ATP8B3: variants seen among roughly 807,000 people sequenced by gnomAD.
ATP8B3 encodes phospholipid-transporting ATPase IK.
In ATP8B3, 141 loss-of-function variants were observed where a neutral mutation model predicts 140.9. The observed-to-expected ratio is 1.00, with a 90% CI of 0.87 to 1.15. ATP8B3 has a LOEUF of 1.15. ATP8B3 is among the 50% of genes most tolerant of loss of function. The probability of loss-of-function intolerance (pLI) is 0.00; values close to 1 mark genes in which losing one functional copy is unlikely to be tolerated. For synonymous variants in ATP8B3, 765 were observed against 714.6 expected (o/e 1.07, Z -1.13); for missense variants, 1,874 against 1,740.6 (o/e 1.08, Z -1.36).
chr19:1,804,528 A>T (rs922889430), intron 10 of ATP8B3, among the ~76,000 whole-genome samples: 5 of 152,170 alleles, frequency 3.3e-5, no homozygotes, highest in African/African-American at 9.7e-5. Context: ...GAATGGCGTG[A>T]ACCCAGGAGG....
chr19:1,791,143 T>G (rs1053726021), intron 20 of ATP8B3, among the ~76,000 whole-genome samples: 16 of 152,128 alleles, frequency 1.1e-4, no homozygotes, highest in Non-Finnish European at 1.3e-4. Flanking sequence ...AATATCTTTT[T>G]AAATCAGAAG....
At chr19:1,798,573 T>C (rs1000093288) in intron 14 of ATP8B3, among the ~76,000 whole-genome samples, 1 of 150,904 alleles carries the variant, frequency 6.6e-6, no homozygotes, top group African/African-American at 2.4e-5. Flanking sequence ...CCTGTCTCTA[T>C]TAAAAATACA....
In ATP8B3 at chr19:1,806,281, G is replaced by A. The variant is rs541784580; in HGVS notation, c.678-112C>T. Reference sequence around the variant, plus strand: ...GCCCGCAGCTGCAGTCCCCACCTCCGGGCCTTTGCCCCCTCAGGAAGCCTT... The same window carrying A: ...GCCCGCAGCTGCAGTCCCCACCTCCAGGCCTTTGCCCCCTCAGGAAGCCTT... On this transcript the variant is annotated intron_variant, in intron 7 of 28. Coordinates refer to ENST00000310127, the MANE Select transcript of ATP8B3 (RefSeq NM_138813.4). This position sits in a 1 kb window ranked among gnomAD's most constrained non-coding sequence, Gnocchi z 5.6. 7.2e-5 allele frequency: 109 copies of A among 1,507,524 alleles called. 2 individuals are homozygous for A. The highest frequency in any genetic ancestry group is 5.0e-4 in the South Asian group (39 of 78,742). 93.4% of individuals were successfully genotyped at this position (1,507,524 alleles called of 1,614,324 possible).
At position 1,811,678 on chromosome 19, in the gene ATP8B3, G is replaced by C; in HGVS notation, c.59C>G (p.Pro20Arg). Residue 20 changes from proline (P) to arginine (R), a missense_variant, in exon 2 of 29, where the codon CCT (proline) becomes CGT (arginine). By Grantham distance (103) the Pro-to-Arg change is moderately radical (BLOSUM62 -2). This residue lies in a region of ATP8B3 where 1,032 missense variants were observed against 963.6 expected (regional missense o/e 1.07). Coordinates refer to ENST00000310127, the MANE Select transcript of ATP8B3 (RefSeq NM_138813.4). ...RSTRAGPEPS[P>R]APPGPGDTGD... ...CGTGTCCCCAGGTCCTGGTGGGGCA[G>C]GGCTTGGCTCAGGGCCAGCTCTGGT... 1 of 1,608,894 alleles carries C rather than the reference G, an allele frequency of 6.2e-7. No individual in the cohort carries two copies. The highest frequency in any genetic ancestry group is 8.5e-7 in the Non-Finnish European group (1 of 1,179,648).
At chr19:1,789,157 C>A (rs1230305215) in intron 23 of ATP8B3, 37 bp from the exon 24 acceptor site, 4 of 1,273,194 alleles carry the variant, frequency 3.1e-6, no homozygotes, top group African/African-American at 3.2e-5. Context: ...CCCCCGCACG[C>A]CCCCAGTCCC....
chr19:1,811,404 C>T (rs2069183321), intron 2 of ATP8B3, 85 bp downstream of exon 2: 2 of 1,495,342 alleles, frequency 1.3e-6, no homozygotes, highest in Admixed American at 2.1e-5. Flanking sequence ...CAGCAACTGG[C>T]CCCCCACCTG....
In ATP8B3 at chr19:1,785,291, G is replaced by A. The variant is rs893729077; in HGVS notation, c.3400C>T (p.Leu1134Phe). 1 of 1,597,124 alleles carries A rather than the reference G, an allele frequency of 6.3e-7. No homozygotes were observed. The highest frequency in any genetic ancestry group is 8.5e-7 in the Non-Finnish European group (1 of 1,171,348). ...AGGGCGGTCCAGTACTTGATGATAA[G>A]AATGACCTGGACAGGCAGCGGTGGG... ...CLLSITMEVI[L>F]IIKYWTALCV... Residue 1134 changes from leucine (L) to phenylalanine (F), a missense_variant, in exon 27 of 29, where the codon CTT becomes TTT. By Grantham distance (22) the Leu-to-Phe change is conservative. Around this residue, in one of 3 missense-constraint regions of ATP8B3, gnomAD observed 840 missense variants for 760.9 expected, o/e 1.10. Coordinates refer to ENST00000310127, the MANE Select transcript of ATP8B3 (RefSeq NM_138813.4).
chr19:1,795,992 G>C lies in ATP8B3; in HGVS notation c.1943-5C>G, dbSNP rs370491048. On this transcript the variant is annotated splice_region_variant and splice_polypyrimidine_tract_variant and intron_variant, in intron 17 of 28. Coordinates refer to ENST00000310127, the MANE Select transcript of ATP8B3 (RefSeq NM_138813.4). The stretch of plus-strand genomic sequence containing the variant: ...TGGCGCCCTCTGGCTTTCGAACTGT[G>C]GGGGAACAGGCCCTGCTGCCCACAG... 3.7e-6 allele frequency: 6 copies of C among 1,612,950 alleles called. No homozygotes were observed. The highest frequency in any genetic ancestry group is 1.3e-5 in the African/African-American group (1 of 74,934).
intron 28 of ATP8B3, among the ~76,000 whole-genome samples, chr19:1,783,562 G>A (rs2068220343): frequency 6.6e-6 from 1 of 152,190 alleles, no homozygotes; most frequent in African/African-American, 2.4e-5. Flanking sequence ...CACCCAATCA[G>A]AGTCCTTCCC....
chr19:1,790,397 TCCCTCTCCCCTC>T (rs1255885357), intron 21 of ATP8B3, among the ~76,000 whole-genome samples: 24 of 252 alleles, frequency 0.095, 6 homozygotes, highest in South Asian at 0.36. Flanking sequence ...TCCCCTCCCT[TCCCTCTCCCCTC>T]CCCTCTCCCC....
Position 1,800,904 on chromosome 19 carries a change from C to G in ATP8B3, c.1153-455G>C, listed in dbSNP as rs1049625924. On this transcript the variant is annotated intron_variant, in intron 12 of 28. Transcript: ENST00000310127. The surrounding 1 kb of genome is among the most constrained non-coding windows in gnomAD (Gnocchi z 4.4). ...AGTGCAGTGGCGCGATCTTGGCTCA[C>G]AGCAAGCTCCGCCTCCCGGGTTCAC... Among the ~76,000 whole-genome samples, 20 of 150,884 alleles carry G rather than the reference C, an allele frequency of 1.3e-4. No homozygotes were observed. Among genetic ancestry groups the G allele is most frequent in the Non-Finnish European group, 4.4e-5 (3 of 67,828 alleles).
At chr19:1,788,442 G>C (rs936525511) in intron 24 of ATP8B3, among the ~76,000 whole-genome samples, 4 of 152,132 alleles carry the variant, frequency 2.6e-5, no homozygotes. Context: ...CTGAGGTCAG[G>C]AGTTCGAGAC....
chr19:1,792,265 A>C, intron 18 of ATP8B3, 130 bp from the exon 19 acceptor site: 2 of 1,076,856 alleles, frequency 1.9e-6, no homozygotes, highest in Non-Finnish European at 2.6e-6. Context: ...CCCAGCCAAC[A>C]GCAGCCAGAA....
At chr19:1,785,855 G>T in intron 25 of ATP8B3, 147 bp from the exon 26 acceptor site, 1 of 893,092 alleles carries the variant, frequency 1.1e-6, no homozygotes, top group South Asian at 1.8e-5. Context: ...GTAAGGCCAG[G>T]CACGGTGGCA....
chr19:1,808,328 A>G lies in ATP8B3; in HGVS notation c.410T>C (p.Val137Ala). 1 of 1,611,834 alleles carries G rather than the reference A, an allele frequency of 6.2e-7. No homozygotes were observed. The highest frequency in any genetic ancestry group is 8.5e-7 in the Non-Finnish European group (1 of 1,178,958). Residue 137 changes from valine (V) to alanine (A), a missense_variant, in exon 5 of 29, where the codon GTC (valine) becomes GCC (alanine). Transcript: ENST00000310127. Reference sequence around the variant, plus strand: ...GAAGTTGTACTTGGCCGTGCGGATGACATTGGTCTGGAACGAGAGCCGCGG... The same window carrying G: ...GAAGTTGTACTTGGCCGTGCGGATGGCATTGGTCTGGAACGAGAGCCGCGG... ...CWQRKKYKTN[V>A]IRTAKYNFYS...
rs890775105 is a variant in ATP8B3 at position 1,783,057 on chromosome 19, C to T, written c.3874G>A (p.Ala1292Thr). 6 of 1,611,354 alleles carry T rather than the reference C, an allele frequency of 3.7e-6. No individual in the cohort carries two copies. In the African/African-American group the frequency reaches 6.7e-5, roughly 18 times the overall value. Residue 1292 changes from alanine to threonine, a missense_variant, in exon 29 of 29, where the codon GCA becomes ACA. Physicochemically the swap from Ala to Thr is moderately conservative, Grantham distance 58. Coordinates refer to ENST00000310127, the MANE Select transcript of ATP8B3 (RefSeq NM_138813.4). ...TGTGACTCTTTTGGGCTCGAAGCTGCCTCTTCATCAGATGGGTCTAGGGAT... is the reference window on the plus strand; with the variant it reads ...TGTGACTCTTTTGGGCTCGAAGCTGTCTCTTCATCAGATGGGTCTAGGGAT... ...SESLDPSDEE[A>T]ASSPKESQ
chr19:1,795,941 G>C lies in ATP8B3; in HGVS notation c.1989C>G (p.Asp663Glu). 2 of 1,613,288 alleles carry C rather than the reference G, an allele frequency of 1.2e-6. No individual in the cohort carries two copies. The highest frequency in any genetic ancestry group is 1.7e-6 in the Non-Finnish European group (2 of 1,179,854). Residue 663 changes from aspartate (D) to glutamate (E), a missense_variant, in exon 18 of 29, where the codon GAC (aspartate) becomes GAG (glutamate). Coordinates refer to ENST00000310127, the MANE Select transcript of ATP8B3 (RefSeq NM_138813.4). ...GAICLYTKGA[D>E]TVIFERLHRR... ...TGTGCAAGCGTTCGAAGATGACCGT[G>C]TCGGCGCCCTTGGTGTACAGGCAGA...
At chr19:1,783,636 C>T (rs1321236727) in intron 28 of ATP8B3, among the ~76,000 whole-genome samples, 1 of 152,196 alleles carries the variant, frequency 6.6e-6, no homozygotes, top group Non-Finnish European at 1.5e-5. Flanking sequence ...CCACCAGGTG[C>T]CTTGGCTGCC....
rs1478134426 is a variant in ATP8B3, at chr19:1,789,211, C to G, written c.2846-91G>C. 12 of 774,324 alleles carry G rather than the reference C, an allele frequency of 1.5e-5. No homozygotes were observed. The East Asian group carries it at 1.7e-4, about 11-fold the overall frequency. The allele number at this position is 774,324 out of a possible 1,614,324, so 48.0% of individuals were successfully genotyped here. On this transcript the variant is annotated intron_variant, in intron 23 of 28. Transcript: ENST00000310127. ...CCGCACTGTTCTGCCCCCTATCAGC[C>G]CCCCCCATCTGCTTCAGGTCCCCCC... is the stretch of plus-strand genomic sequence containing the variant.
Sources: allele counts gnomAD v4.1 joint callset (sites outside exome capture counted in the v4.1 genomes callset), GRCh38; gene constraint gnomAD v4.1.1; regional missense constraint gnomAD v4.1.1; non-coding constraint Gnocchi (gnomAD v3.1); transcripts MANE v1.5; gene names NCBI Gene and HGNC (gene_info 2026-07-23, HGNC 2026-07-21).